The following EPS8L1 variants were observed in gnomAD, a reference collection of about 807,000 sequenced individuals.
EPS8L1 encodes the protein epidermal growth factor receptor kinase substrate 8-like protein 1.
In EPS8L1, 101 loss-of-function variants were observed where a neutral mutation model predicts 91.7. The ratio of observed to expected loss-of-function variants is 1.10; its 90% CI spans 0.94 to 1.30. The LOEUF (loss-of-function observed/expected upper bound fraction) is 1.30, where lower values mean the gene tolerates loss of function less well. Ranked by LOEUF, EPS8L1 falls within the 50% of genes most tolerant of loss-of-function variation. The pLI is 0.00. For missense variants in EPS8L1, 1,114 were observed against 1,017.0 expected (o/e 1.10, Z -1.30); for synonymous variants, 506 against 445.3 (o/e 1.14, Z -1.72).
Position 55,082,509 on chromosome 19 carries a change from T to G in EPS8L1, c.1121T>G (p.Leu374Arg). The G allele has an allele frequency of 6.2e-7, 1 of 1,612,512 alleles. No individual in the cohort carries two copies. Among genetic ancestry groups the G allele is most frequent in the South Asian group, 1.1e-5 (1 of 91,022 alleles). The change falls in exon 12 of 20, where the codon CTG becomes CGG. Residue 374 changes from leucine (L) to arginine (R), a missense_variant. Transcript: ENST00000201647. ...GCGAGCAGTGTGCGGCGGCCGCATCTGACATCGGATGCCGTGGCGCTGCTG... is the reference window on the plus strand; with the variant it reads ...GCGAGCAGTGTGCGGCGGCCGCATCGGACATCGGATGCCGTGGCGCTGCTG... ...EFASSVRRPH[L>R]TSDAVALLRD...
intron 18 of EPS8L1, 108 bp downstream of exon 18, chr19:55,086,996 C>T (rs2076360010): frequency 2.2e-6 from 3 of 1,341,990 alleles, no homozygotes; most frequent in Non-Finnish European, 2.9e-6. Flanking sequence ...CCACAGGGAG[C>T]CGGGATTAGC....
chr19:55,083,366 C>G lies in EPS8L1; in HGVS notation c.1215-12C>G. 3 of 1,611,642 alleles carry G rather than the reference C, an allele frequency of 1.9e-6. No homozygotes were observed. Among genetic ancestry groups the G allele is most frequent in the Non-Finnish European group, 2.5e-6 (3 of 1,178,830 alleles). On this transcript the variant is annotated splice_polypyrimidine_tract_variant and intron_variant, in intron 12 of 19. Transcript: ENST00000201647. This position sits in a 1 kb window ranked among gnomAD's most constrained non-coding sequence, Gnocchi z 4.7. ...AGGATCCCTGAGCTCTTGGCCCTGT[C>G]CCTGGCCGCAGGCTGGAGCTGTCCC...
At position 55,079,041 on chromosome 19, in the gene EPS8L1, C is replaced by A. The variant is rs1375630695; in HGVS notation, c.101C>A (p.Ser34Tyr). 6.2e-7 allele frequency: 1 copy of A among 1,614,000 alleles called. No homozygotes were observed. The highest frequency in any genetic ancestry group is 1.1e-5 in the South Asian group (1 of 91,086). Residue 34 changes from serine to tyrosine, a missense_variant, in exon 4 of 20, where the codon TCC becomes TAC. Coordinates refer to ENST00000201647, the MANE Select transcript of EPS8L1 (RefSeq NM_133180.3). Reference protein sequence around the residue: ...RYSTVVMADVSQYPVNHLVTF... With the variant: ...RYSTVVMADVYQYPVNHLVTF... ...TCCACAGTTGTTATGGCTGATGTAT[C>A]CCAGTACCCAGTCAATGTGAGTCTG...
chr19:55,086,126 C>G lies in EPS8L1; in HGVS notation c.1584C>G (p.Pro528=). ...CAGCGGGGCAGGAGGGATATGTGCC[C>G]TACAACATCCTGACACCCTACCCCG... ...RDPAGQEGYV[P]YNILTPYPGP... Residue 528 remains proline (P), a synonymous_variant, in exon 16 of 20, where the codon CCC becomes CCG. Transcript: ENST00000201647. 6.2e-7 allele frequency: 1 copy of G among 1,607,504 alleles called. No homozygotes were observed. The highest frequency in any genetic ancestry group is 8.5e-7 in the Non-Finnish European group (1 of 1,176,228).
chr19:55,086,808 C>T lies in EPS8L1; in HGVS notation c.1872C>T (p.Arg624=). Residue 624 remains arginine, a synonymous_variant, in exon 18 of 20, where the codon CGC becomes CGT. Transcript: ENST00000201647. ...CGAGCCGCGCAGTCCCAGGGCCCCG[C>T]GCCCCGGAACCGCAGCTCAGCCCGG... ...SGPSRAVPGP[R]APEPQLSPGS... 2 of 1,591,256 alleles carry T rather than the reference C, an allele frequency of 1.3e-6. No individual in the cohort carries two copies. The highest frequency in any genetic ancestry group is 1.3e-5 in the African/African-American group (1 of 74,094).
intron 6 of EPS8L1, 161 bp from the exon 7 acceptor site, chr19:55,080,611 A>G: frequency 6.3e-7 from 1 of 1,587,106 alleles, no homozygotes; most frequent in African/African-American, 1.3e-5. Context: ...GGACAGGTGT[A>G]GGGCGAGGGG....
chr19:55,077,705 C>T (rs1481329442), intron 2 of EPS8L1, among the ~76,000 whole-genome samples: 2 of 149,474 alleles, frequency 1.3e-5, no homozygotes, highest in African/African-American at 4.9e-5. Flanking sequence ...TCTCCTGCCT[C>T]AGCCTCCCAC....
intron 4 of EPS8L1, chr19:55,079,440 A>G (rs3760865): frequency 0.15 from 89,026 of 593,854 alleles, 7,202 homozygotes; most frequent in Middle Eastern, 0.19. Context: ...AGAGAGCTAT[A>G]ATCCAGACTC....
At chr19:55,076,375 TGGCCA>T in intron 1 of EPS8L1, 28 bp from the exon 2 acceptor site, 2 of 1,592,176 alleles carry the variant, frequency 1.3e-6, no homozygotes, top group South Asian at 2.2e-5. Context: ...AGGCTCCTAC[TGGCCA>T]GGCCTTCACA....
At chr19:55,086,637 C>CT in intron 17 of EPS8L1, 77 bp from the exon 18 acceptor site, 2 of 1,374,366 alleles carry the variant, frequency 1.5e-6, no homozygotes, top group Non-Finnish European at 2.0e-6. Context: ...GCTGGAGCGC[C>CT]CCCCCGCCCC....
rs1222124220 is a variant in EPS8L1 at position 55,083,685 on chromosome 19, G to A, written c.1385+41G>A. ...AGGGCAGGGCAAGGGGGTCAAGGAG[G>A]GGTGCGTCCCGGGGGCTCCCGATGC... On this transcript the variant is annotated intron_variant, in intron 14 of 19. Transcript: ENST00000201647. This position sits in a 1 kb window ranked among gnomAD's most constrained non-coding sequence, Gnocchi z 4.7. 2 of 1,578,658 alleles carry A rather than the reference G, an allele frequency of 1.3e-6. No homozygotes were observed. The highest frequency in any genetic ancestry group is 1.7e-6 in the Non-Finnish European group (2 of 1,162,392).
chr19:55,083,475 G>A lies in EPS8L1; in HGVS notation c.1312G>A (p.Asp438Asn), dbSNP rs1879079175. The change falls in exon 13 of 20, where the codon GAC (aspartate) becomes AAC (asparagine). Residue 438 changes from aspartate (D) to asparagine (N), a missense_variant. Coordinates refer to ENST00000201647, the MANE Select transcript of EPS8L1 (RefSeq NM_133180.3). This position sits in a 1 kb window ranked among gnomAD's most constrained non-coding sequence, Gnocchi z 4.7. ...VTDPQSRAWE[D>N]PVEKQLQHER... ...TGACCCGCAGAGCCGCGCCTGGGAGGACCCAGTTGAGAAACAGCTACAGCA... is the reference window on the plus strand; with the variant it reads ...TGACCCGCAGAGCCGCGCCTGGGAGAACCCAGTTGAGAAACAGCTACAGCA... 1 of 1,612,384 alleles carries A rather than the reference G, an allele frequency of 6.2e-7. No individual in the cohort carries two copies. Among genetic ancestry groups the A allele is most frequent in the Non-Finnish European group, 8.5e-7 (1 of 1,179,738 alleles).
rs759867067 is a variant in EPS8L1 at position 55,082,349 on chromosome 19, G to A, written c.1065G>A (p.Met355Ile). 1 of 1,612,744 alleles carries A rather than the reference G, an allele frequency of 6.2e-7. No individual in the cohort carries two copies. The highest frequency in any genetic ancestry group is 8.5e-7 in the Non-Finnish European group (1 of 1,179,886). ...LLHFLFGPLQ[M>I]IVNTSGGPEF... ...ACTTCCTTTTCGGGCCTCTGCAGATGGTGAGACCCGCCCCAGGCCCTCGGG... is the reference window on the plus strand; with the variant it reads ...ACTTCCTTTTCGGGCCTCTGCAGATAGTGAGACCCGCCCCAGGCCCTCGGG... The change falls in exon 11 of 20, where the codon ATG becomes ATA. Residue 355 changes from methionine (M) to isoleucine (I), a missense_variant and splice_region_variant. Physicochemically the swap from Met to Ile is conservative, Grantham distance 10. Coordinates refer to ENST00000201647, the MANE Select transcript of EPS8L1 (RefSeq NM_133180.3).
Position 55,081,727 on chromosome 19 carries a change from T to C in EPS8L1, c.775-46T>C. Reference sequence around the variant, plus strand: ...AGGTTCAGGGCTTCGACGGGGATGGTTTTGGAACTCGGGAGCCCTGAGCGT... The same window carrying C: ...AGGTTCAGGGCTTCGACGGGGATGGCTTTGGAACTCGGGAGCCCTGAGCGT... On this transcript the variant is annotated intron_variant, in intron 8 of 19. Transcript: ENST00000201647. This position sits in a 1 kb window ranked among gnomAD's most constrained non-coding sequence, Gnocchi z 4.9. 6.4e-7 allele frequency: 1 copy of C among 1,568,306 alleles called. No individual in the cohort carries two copies. Among genetic ancestry groups the C allele is most frequent in the South Asian group, 1.2e-5 (1 of 86,204 alleles).
chr19:55,086,647 C>CCCCCCCCCGG, intron 17 of EPS8L1, 67 bp from the exon 18 acceptor site: 1 of 1,480,094 alleles, frequency 6.8e-7, no homozygotes, highest in Non-Finnish European at 9.2e-7. Flanking sequence ...CCCCCCGCCC[C>CCCCCCCCCGG]GCCCTCTGGC....
intron 14 of EPS8L1, among the ~76,000 whole-genome samples, chr19:55,085,012 G>C (rs987513144): frequency 6.6e-6 from 1 of 152,092 alleles, no homozygotes; most frequent in Admixed American, 6.5e-5. Flanking sequence ...TTCCTCCTCT[G>C]TGAAAATGGA....
At chr19:55,078,066 T>C in intron 2 of EPS8L1, 22 bp from the exon 3 acceptor site, 1 of 1,613,548 alleles carries the variant, frequency 6.2e-7, no homozygotes, top group South Asian at 1.1e-5. Flanking sequence ...ACAGTCTCTC[T>C]CATTCCTCTT....
In EPS8L1 at chr19:55,087,777, C is replaced by CCCT. The variant is rs1299220122; in HGVS notation, c.*166_*168dup. The stretch of plus-strand genomic sequence containing the variant: ...CAGACTTAACGATCCTTGCTGCAGT[C>CCCT]CCTCCGGAGAGGATCTGGACTGGCT... On this transcript the variant is annotated 3_prime_UTR_variant, in exon 20 of 20. Coordinates refer to ENST00000201647, the MANE Select transcript of EPS8L1 (RefSeq NM_133180.3). 6 of 738,126 alleles carry CCCT rather than the reference C, an allele frequency of 8.1e-6. No individual in the cohort carries two copies. The highest frequency in any genetic ancestry group is 6.6e-5 in the Admixed American group (3 of 45,598). The allele number at this position is 738,126 out of a possible 1,614,324, so 45.7% of individuals were successfully genotyped here. A position where few individuals can be genotyped will look rare whatever the true frequency, so the allele number is the denominator to read the frequency against.
At position 55,081,882 on chromosome 19, in the gene EPS8L1, G is replaced by A. The variant is rs967448534; in HGVS notation, c.884G>A (p.Arg295Gln). 3 of 1,608,142 alleles carry A rather than the reference G, an allele frequency of 1.9e-6. No homozygotes were observed. The African/African-American group carries it at 4.0e-5, about 22-fold the overall frequency. ...CACCGGGAACGCGGCCGCAGGAGCC[G>A]GCGCCGGGCGGCTGGGGGTAAGGGG... is the stretch of plus-strand genomic sequence containing the variant. Reference protein sequence around the residue: ...LEHRERGRRSRRRAAGEGLLT... With the variant: ...LEHRERGRRSQRRAAGEGLLT... Residue 295 changes from arginine to glutamine, a missense_variant, in exon 9 of 20, where the codon CGG becomes CAG. By Grantham distance (43) the Arg-to-Gln change is conservative. Coordinates refer to ENST00000201647, the MANE Select transcript of EPS8L1 (RefSeq NM_133180.3). This position sits in a 1 kb window ranked among gnomAD's most constrained non-coding sequence, Gnocchi z 4.9.
Sources: gnomAD v4.1 joint callset for allele counts (sites outside exome capture counted in the v4.1 genomes callset) on GRCh38, gnomAD v4.1.1 for gene constraint, Gnocchi (gnomAD v3.1) non-coding constraint, MANE v1.5 for transcripts, NCBI Gene and HGNC (gene_info 2026-07-23, HGNC 2026-07-21) for gene names.